TUT4: variants seen among roughly 807,000 people sequenced by gnomAD.
TUT4 encodes terminal uridylyltransferase 4.
A neutral mutation model predicts 192.2 loss-of-function variants in TUT4; 36 were observed. The observed-to-expected ratio is 0.19, with a 90% confidence interval of 0.14 to 0.25. The LOEUF (loss-of-function observed/expected upper bound fraction) is 0.25. Ranked by LOEUF, TUT4 falls within the 10% of genes least tolerant of loss-of-function variation. TUT4 has a pLI of 1.00. For synonymous variants in TUT4, 618 were observed against 666.0 expected, an observed-to-expected ratio of 0.93 and a Z score of 1.11; for missense variants, 1,493 against 1,957.2, an observed-to-expected ratio of 0.76 and a Z score of 4.47.
chr1:52,521,601 G>C (rs1339040763), intron 2 of TUT4, among the ~76,000 whole-genome samples: 1 of 152,064 alleles, frequency 6.6e-6, no homozygotes, highest in Non-Finnish European at 1.5e-5. Flanking sequence ...GGAGGTAGAA[G>C]TTACAGTGAG....
At chr1:52,444,443 A>G (rs1214786967) in intron 24 of TUT4, among the ~76,000 whole-genome samples, 1 of 152,138 alleles carries the variant, frequency 6.6e-6, no homozygotes, top group Non-Finnish European at 1.5e-5. Context: ...CCCCCAAGAA[A>G]TAAGACACCT....
At chr1:52,497,209 T>C (rs757225341) in intron 4 of TUT4, 26 bp from the exon 5 acceptor site, 4 of 1,544,898 alleles carry the variant, frequency 2.6e-6, no homozygotes, top group Non-Finnish European at 3.5e-6. Flanking sequence ...TTCACAACAA[T>C]AAAAACAAAA....
chr1:52,457,676 GC>G (rs1044882758), intron 20 of TUT4, among the ~76,000 whole-genome samples: 4 of 152,062 alleles, frequency 2.6e-5, no homozygotes, highest in African/African-American at 9.7e-5. Flanking sequence ...CCTCCCTAAC[GC>G]CTACAAATCT....
intron 2 of TUT4, among the ~76,000 whole-genome samples, chr1:52,524,139 C>T (rs1016534689): frequency 6.6e-6 from 1 of 152,186 alleles, no homozygotes; most frequent in Non-Finnish European, 1.5e-5. Context: ...CTCTAAGTGT[C>T]CTAACCAATC....
chr1:52,436,709 A>T (rs752075573), intron 26 of TUT4, 46 bp downstream of exon 26: 18 of 1,609,316 alleles, frequency 1.1e-5, no homozygotes, highest in Non-Finnish European at 1.4e-5. Context: ...AGCAACATAA[A>T]TGACTTCGTT....
chr1:52,438,512 G>C (rs1185381136), intron 24 of TUT4, among the ~76,000 whole-genome samples, 177 bp from the exon 25 acceptor site: 1 of 152,200 alleles, frequency 6.6e-6, no homozygotes, highest in East Asian at 1.9e-4. Context: ...CATCATCACA[G>C]TTGCTAATAG....
In TUT4 at chr1:52,475,010, G is replaced by C. The variant is rs748240890; in HGVS notation, c.2549C>G (p.Thr850Arg). ...KSPDPDKSTGTDCRSNLETES... is the reference protein window; with the variant it reads ...KSPDPDKSTGRDCRSNLETES... ...TGTTTCTAAATTTGACCTGCAGTCT[G>C]TTCCAGTAGATTTATCTGGGTCAGG... The change falls in exon 13 of 30, where the codon ACA becomes AGA. Residue 850 changes from threonine (T) to arginine (R), a missense_variant. By Grantham distance (71) the Thr-to-Arg change is moderately conservative. Around this residue, in one of 7 missense-constraint regions of TUT4, gnomAD observed 245 missense variants for 218.4 expected, o/e 1.12. Transcript: ENST00000257177. 7 of 1,614,196 alleles carry C rather than the reference G, an allele frequency of 4.3e-6. No homozygotes were observed. The highest frequency in any genetic ancestry group is 5.1e-6 in the Non-Finnish European group (6 of 1,180,032).
At chr1:52,490,699 T>C in intron 8 of TUT4, 33 bp downstream of exon 8, 1 of 1,576,016 alleles carries the variant, frequency 6.3e-7, no homozygotes, top group Non-Finnish European at 8.6e-7. Flanking sequence ...TGGGGTTTGT[T>C]TTTTTAAATA....
chr1:52,428,559 G>T (rs1267141957), intron 28 of TUT4, among the ~76,000 whole-genome samples: 2 of 151,198 alleles, frequency 1.3e-5, no homozygotes, highest in Non-Finnish European at 2.9e-5. Flanking sequence ...CCAGGAAGCG[G>T]AGGTTGCAGT....
In TUT4 at chr1:52,495,332, G is replaced by C. The variant is rs1002364879; in HGVS notation, c.1266+95C>G. On this transcript the variant is annotated intron_variant, in intron 6 of 29. Transcript: ENST00000257177. ...CGATGGTAACACTATACAAACCAGA[G>C]TTTTATATTTCCCTATCCTTTCTCT... 4 of 730,824 alleles carry C rather than the reference G, an allele frequency of 5.5e-6. No homozygotes were observed. The African/African-American group carries it at 7.3e-5, about 13-fold the overall frequency. The allele number at this position is 730,824 out of a possible 1,614,324, so 45.3% of individuals were successfully genotyped here.
chr1:52,514,565 A>G (rs913570917), intron 3 of TUT4, among the ~76,000 whole-genome samples: 10 of 152,128 alleles, frequency 6.6e-5, no homozygotes, highest in African/African-American at 2.4e-4. Flanking sequence ...CTACTTCTTG[A>G]TATTCCTTTC....
intron 16 of TUT4, chr1:52,463,236 A>G (rs1663116462): frequency 2.0e-6 from 2 of 987,026 alleles, no homozygotes; most frequent in African/African-American, 3.5e-5. Context: ...TAAAACTCTA[A>G]CCTCTTTCCT....
At chr1:52,539,883 G>A (rs1280923449) in intron 1 of TUT4, among the ~76,000 whole-genome samples, 2 of 150,494 alleles carry the variant, frequency 1.3e-5, no homozygotes, top group East Asian at 3.9e-4. Flanking sequence ...TTTGGCCTGG[G>A]TGACAAGAGC....
Position 52,490,672 on chromosome 1 carries a change from A to T in TUT4, c.1388+60T>A, listed in dbSNP as rs1570892793. ...AAACTTTTTCTCTTAAAGATCATTC[A>T]CTACAAATTTGGTTGTTGGGGTTTG... On this transcript the variant is annotated intron_variant, in intron 8 of 29. Transcript: ENST00000257177. 4 of 1,426,618 alleles carry T rather than the reference A, an allele frequency of 2.8e-6. No individual in the cohort carries two copies. The South Asian group carries it at 5.1e-5, about 18-fold the overall frequency. 88.4% of individuals were successfully genotyped at this position (1,426,618 alleles called of 1,614,324 possible).
At chr1:52,459,006 T>C (rs549749658) in intron 19 of TUT4, among the ~76,000 whole-genome samples, 106 of 152,210 alleles carry the variant, frequency 7.0e-4, no homozygotes, top group Non-Finnish European at 1.1e-3. Context: ...TGGAATGGTA[T>C]GCAACCATTA....
chr1:52,508,030 C>G (rs1191614772), intron 4 of TUT4, among the ~76,000 whole-genome samples: 1 of 152,110 alleles, frequency 6.6e-6, no homozygotes, highest in Admixed American at 6.5e-5. Context: ...CCAGGCTGGT[C>G]TCAAACTCCT....
In TUT4 at chr1:52,475,194, C is replaced by A; in HGVS notation, c.2365G>T (p.Asp789Tyr). ...GAGTCCTGTCCGTGGTCAGCAAAAT[C>A]TAGTTCATTTACCAACAAATTGTTG... ...DNNNLLVNELDFADHGQDSSS... is the reference protein window; with the variant it reads ...DNNNLLVNELYFADHGQDSSS... Residue 789 changes from aspartate (D) to tyrosine (Y), a missense_variant, in exon 13 of 30, where the codon GAT becomes TAT. Around this residue, in one of 7 missense-constraint regions of TUT4, gnomAD observed 245 missense variants for 218.4 expected, o/e 1.12. Coordinates refer to ENST00000257177, the MANE Select transcript of TUT4 (RefSeq NM_001009881.3). 1 of 1,614,130 alleles carries A rather than the reference C, an allele frequency of 6.2e-7. No homozygotes were observed. Among genetic ancestry groups the A allele is most frequent in the African/African-American group, 1.3e-5 (1 of 75,038 alleles).
rs922199973 is a variant in TUT4 at position 52,451,569 on chromosome 1, C to T, written c.3436-4902G>A. On this transcript the variant is annotated intron_variant, in intron 20 of 29. Transcript: ENST00000257177. ...AAAGACACAATATACCAGCCAGGGGCGGTGGCTCACGCCTGTAATCCCAGC... is the reference window on the plus strand; with the variant it reads ...AAAGACACAATATACCAGCCAGGGGTGGTGGCTCACGCCTGTAATCCCAGC... Among the ~76,000 whole-genome samples, 16 of 152,072 alleles carry T rather than the reference C, an allele frequency of 1.1e-4. No homozygotes were observed. The East Asian group carries it at 2.1e-3, about 20-fold the overall frequency.
At chr1:52,507,993 A>G (rs1301894325) in intron 4 of TUT4, among the ~76,000 whole-genome samples, 1 of 152,026 alleles carries the variant, frequency 6.6e-6, no homozygotes, top group Non-Finnish European at 1.5e-5. Context: ...ATGTATTTTT[A>G]GTAGAAACAG....
Sources: allele counts gnomAD v4.1 joint callset (sites outside exome capture counted in the v4.1 genomes callset), GRCh38; gene constraint gnomAD v4.1.1; regional missense constraint gnomAD v4.1.1; transcripts MANE v1.5; gene names NCBI Gene and HGNC (gene_info 2026-07-23, HGNC 2026-07-21).